Variants in ITSN2 observed in about 807,000 individuals in gnomAD.
ITSN2 encodes the protein intersectin 2.
In ITSN2, 156 loss-of-function variants were observed where a neutral mutation model predicts 243.7. The observed-to-expected ratio is 0.64, with a 90% CI of 0.56 to 0.73. The LOEUF (loss-of-function observed/expected upper bound fraction) is 0.73, where lower values mean the gene tolerates loss of function less well. ITSN2 is among the 30% of genes least tolerant of loss of function. The pLI, the probability that ITSN2 is intolerant of heterozygous loss-of-function variation, is 0.00. For missense variants in ITSN2, 1,801 were observed against 1,996.1 expected, an observed-to-expected ratio of 0.90 and a Z score of 1.86; for synonymous variants, 703 against 699.9, an observed-to-expected ratio of 1.00 and a Z score of -0.07.
At chr2:24,337,323 T>TATATATACATAC (rs745459301) in intron 1 of ITSN2, among the ~76,000 whole-genome samples, 2 of 89,428 alleles carry the variant, frequency 2.2e-5, no homozygotes, top group African/African-American at 4.7e-5. Flanking sequence ...AAAATATATA[T>TATATATACATAC]ATATATATAT....
chr2:24,251,153 C>T (rs1009405876), intron 25 of ITSN2, among the ~76,000 whole-genome samples: 8 of 149,354 alleles, frequency 5.4e-5, no homozygotes, highest in Middle Eastern at 3.2e-3. Context: ...GGTAAAACCC[C>T]GCCTCCACTA....
chr2:24,298,143 CACCA>C (rs1681223185), intron 13 of ITSN2, among the ~76,000 whole-genome samples: 1 of 151,758 alleles, frequency 6.6e-6, no homozygotes, highest in African/African-American at 2.4e-5. Flanking sequence ...CACCACCACC[CACCA>C]CGGCCAGCTA....
chr2:24,361,158 A>C (rs1037318510), upstream of ITSN2, among the ~76,000 whole-genome samples: 3 of 152,130 alleles, frequency 2.0e-5, no homozygotes, highest in Admixed American at 6.5e-5. Context: ...CCTCTACGCT[A>C]GTCACACTCC....
At chr2:24,256,755 TAAAAA>T (rs1275017241) in intron 23 of ITSN2, among the ~76,000 whole-genome samples, 1 of 150,540 alleles carries the variant, frequency 6.6e-6, no homozygotes, top group Non-Finnish European at 1.5e-5. Flanking sequence ...AATGAACAAA[TAAAAA>T]AAAAGACATG....
intron 22 of ITSN2, among the ~76,000 whole-genome samples, chr2:24,260,548 G>A (rs1014497312): frequency 2.6e-5 from 4 of 151,202 alleles, no homozygotes; most frequent in African/African-American, 7.3e-5. Context: ...CATGAGATTT[G>A]TAAAAATAAC....
At position 24,275,788 on chromosome 2, in the gene ITSN2, C is replaced by G. The variant is rs754639750; in HGVS notation, c.2006G>C (p.Arg669Pro). ...LALEQLYKIKRDKLKEIERKR... is the reference protein window; with the variant it reads ...LALEQLYKIKPDKLKEIERKR... ...CCTTTCAATTTCCTTCAACTTGTCA[C>G]GTTTGATCTTATAAAGCTGTTCAAG... is the stretch of plus-strand genomic sequence containing the variant. Residue 669 changes from arginine (R) to proline (P), a missense_variant, in exon 18 of 40, where the codon CGT (arginine) becomes CCT (proline). Arg to Pro is a moderately radical substitution (Grantham distance 103). This residue lies in a region of ITSN2 where 787 missense variants were observed against 803.9 expected (regional missense o/e 0.98). Transcript: ENST00000355123. 6.2e-7 allele frequency: 1 copy of G among 1,612,268 alleles called. No individual in the cohort carries two copies. Among genetic ancestry groups the G allele is most frequent in the Non-Finnish European group, 8.5e-7 (1 of 1,178,562 alleles).
At chr2:24,231,551 A>AC (rs932393424) in intron 29 of ITSN2, among the ~76,000 whole-genome samples, 3 of 152,222 alleles carry the variant, frequency 2.0e-5, no homozygotes, top group East Asian at 3.9e-4. Flanking sequence ...CACAAGACCC[A>AC]CCCCCACACT....
rs1273908882 is a variant in ITSN2, at chr2:24,315,153, G to A, written c.103C>T (p.Pro35Ser). Reference protein sequence around the residue: ...KHDRQFDNLKPSGGYITGDQA... With the variant: ...KHDRQFDNLKSSGGYITGDQA... ...AAACCTGTTATGTAACCTCCTGAAG[G>A]TTTGAGGTTATCAAACTGCCTGTCA... The change falls in exon 3 of 40, where the codon CCT becomes TCT. Residue 35 changes from proline (P) to serine (S), a missense_variant. By Grantham distance (74) the Pro-to-Ser change is moderately conservative. Coordinates refer to ENST00000355123, the MANE Select transcript of ITSN2 (RefSeq NM_006277.3). The A allele has an allele frequency of 3.7e-6, 6 of 1,605,624 alleles. No individual in the cohort carries two copies. Among genetic ancestry groups the A allele is most frequent in the South Asian group, 1.1e-5 (1 of 90,664 alleles).
At chr2:24,301,300 C>T (rs981773656) in intron 10 of ITSN2, 61 bp from the exon 11 acceptor site, 42 of 934,814 alleles carry the variant, frequency 4.5e-5, no homozygotes, top group Non-Finnish European at 6.0e-5. Flanking sequence ...GACTAGATTA[C>T]ACAGACTACC....
At position 24,204,017 on chromosome 2, in the gene ITSN2, T is replaced by C; in HGVS notation, c.4936+228A>G. The C allele has an allele frequency of 1.6e-6, 1 of 629,518 alleles. No homozygotes were observed. The highest frequency in any genetic ancestry group is 2.7e-6 in the Non-Finnish European group (1 of 364,492). 39.0% of individuals were successfully genotyped at this position (629,518 alleles called of 1,614,324 possible). A position where few individuals can be genotyped will look rare whatever the true frequency, so the allele number is the denominator to read the frequency against. On this transcript the variant is annotated intron_variant, in intron 39 of 39. Transcript: ENST00000355123. The surrounding 1 kb of genome is among the most constrained non-coding windows in gnomAD (Gnocchi z 5.1). Reference sequence around the variant, plus strand: ...TTCTGAGAATGCTCCAGGAGTGGTGTTCACGTCGTGTGTGTAGGGAGTGAT... The same window carrying C: ...TTCTGAGAATGCTCCAGGAGTGGTGCTCACGTCGTGTGTGTAGGGAGTGAT...
In ITSN2 at chr2:24,298,817, G is replaced by GA. The variant is rs747412792; in HGVS notation, c.1345-4dup. 6.5e-3 allele frequency: 8,237 copies of GA among 1,273,864 alleles called. No individual in the cohort carries two copies. Among genetic ancestry groups the GA allele is most frequent in the South Asian group, 8.7e-3 (555 of 63,830 alleles). The allele number at this position is 1,273,864 out of a possible 1,614,324, so 78.9% of individuals were successfully genotyped here. ...CGTTCAAGTTCCTGTTTTGCTGCCT[G>GA]AAAAAAAAAAGGAATTATACTTAAT... On this transcript the variant is annotated splice_region_variant and splice_polypyrimidine_tract_variant and intron_variant, in intron 12 of 39. Coordinates refer to ENST00000355123, the MANE Select transcript of ITSN2 (RefSeq NM_006277.3).
At chr2:24,308,017 A>C (rs1442030136) in intron 8 of ITSN2, among the ~76,000 whole-genome samples, 2 of 152,182 alleles carry the variant, frequency 1.3e-5, no homozygotes, top group African/African-American at 4.8e-5. Context: ...TTTCTTGCTG[A>C]GTGAAGAGGG....
At position 24,230,383 on chromosome 2, in the gene ITSN2, A is replaced by G. The variant is rs938447690; in HGVS notation, c.3578-9317T>C. Among the ~76,000 whole-genome samples the G allele has an allele frequency of 1.2e-4, 19 of 152,242 alleles. No homozygotes were observed. In the East Asian group the frequency reaches 1.9e-3, roughly 15 times the overall value. On this transcript the variant is annotated intron_variant, in intron 29 of 39. Transcript: ENST00000355123. ...CTTGGATTACTGAAGTAGCTTTCCA[A>G]TGGATCTCCTGGCTTCTGATCCCTT...
rs181906346 is a variant in ITSN2, at chr2:24,204,292, T to A, written c.4889A>T (p.Asp1630Val). 2 of 1,614,112 alleles carry A rather than the reference T, an allele frequency of 1.2e-6. No homozygotes were observed. Among genetic ancestry groups the A allele is most frequent in the Admixed American group, 3.3e-5 (2 of 60,022 alleles). The change falls in exon 39 of 40, where the codon GAC becomes GTC. Residue 1630 changes from aspartate (D) to valine (V), a missense_variant. Physicochemically the swap from Asp to Val is radical, Grantham distance 152. Coordinates refer to ENST00000355123, the MANE Select transcript of ITSN2 (RefSeq NM_006277.3). This position sits in a 1 kb window ranked among gnomAD's most constrained non-coding sequence, Gnocchi z 5.1. Reference sequence around the variant, plus strand: ...GTCAAACAGGGTGAGACACAGCACGTCTTGGTAGAGATCCTTAATAAAGAA... The same window carrying A: ...GTCAAACAGGGTGAGACACAGCACGACTTGGTAGAGATCCTTAATAAAGAA... ...CQFFIKDLYQDVLCLTLFDRD... is the reference protein window; with the variant it reads ...CQFFIKDLYQVVLCLTLFDRD...
At chr2:24,253,937 G>C (rs1674684130) in intron 24 of ITSN2, among the ~76,000 whole-genome samples, 1 of 151,858 alleles carries the variant, frequency 6.6e-6, no homozygotes, top group Admixed American at 6.6e-5. Flanking sequence ...AACCCAAAGG[G>C]ATATAGAAAA....
At chr2:24,312,468 A>G (rs1286658958) in intron 4 of ITSN2, 93 bp from the exon 5 acceptor site, 1 of 862,176 alleles carries the variant, frequency 1.2e-6, no homozygotes, top group Non-Finnish European at 1.8e-6. Context: ...AAATGATGAT[A>G]TGGCATTCAC....
chr2:24,298,359 T>C (rs2151644466), intron 13 of ITSN2, among the ~76,000 whole-genome samples: 1 of 152,262 alleles, frequency 6.6e-6, no homozygotes, highest in South Asian at 2.1e-4. Context: ...GGTTTCACTA[T>C]ATTGGCCAGG....
At chr2:24,210,614 C>CAAAAAAAAAA (rs950984341) in intron 34 of ITSN2, among the ~76,000 whole-genome samples, 166 bp downstream of exon 34, 1 of 53,984 alleles carries the variant, frequency 1.9e-5, no homozygotes, top group Admixed American at 2.0e-4. Flanking sequence ...GACTCCGTCT[C>CAAAAAAAAAA]AAAAAAAAAA....
chr2:24,334,027 C>T (rs569798292), intron 1 of ITSN2, among the ~76,000 whole-genome samples: 11 of 151,968 alleles, frequency 7.2e-5, no homozygotes, highest in African/African-American at 2.4e-4. Context: ...GTAGCGGGGA[C>T]TACAAGCGCA....
Sources: allele counts gnomAD v4.1 joint callset (sites outside exome capture counted in the v4.1 genomes callset), GRCh38; gene constraint gnomAD v4.1.1; regional missense constraint gnomAD v4.1.1; non-coding constraint Gnocchi (gnomAD v3.1); transcripts MANE v1.5; gene names NCBI Gene and HGNC (gene_info 2026-07-23, HGNC 2026-07-21).